ACO1: variants seen among roughly 807,000 people sequenced by gnomAD.
The protein encoded by ACO1 is cytoplasmic aconitate hydratase.
In ACO1, 78 loss-of-function variants were observed where a neutral mutation model predicts 105.1. The observed-to-expected ratio is 0.74, with a 90% CI of 0.62 to 0.90. The LOEUF is 0.90. ACO1 is among the 40% of genes least tolerant of loss of function. The probability of loss-of-function intolerance (pLI) is 0.00; values close to 1 mark genes in which losing one functional copy is unlikely to be tolerated. For missense variants in ACO1, 965 were observed against 1,111.1 expected, an observed-to-expected ratio of 0.87 and a Z score of 1.87; for synonymous variants, 364 against 397.4, an observed-to-expected ratio of 0.92 and a Z score of 1.00.
In ACO1 at chr9:32,418,469, T is replaced by G; in HGVS notation, c.616T>G (p.Ser206Ala). 1.2e-6 allele frequency: 2 copies of G among 1,614,196 alleles called. No homozygotes were observed. Among genetic ancestry groups the G allele is most frequent in the Non-Finnish European group, 1.7e-6 (2 of 1,180,014 alleles). Residue 206 changes from serine (S) to alanine (A), a missense_variant, in exon 6 of 21, where the codon TCG becomes GCG. Physicochemically the swap from Ser to Ala is moderately conservative, Grantham distance 99. Transcript: ENST00000309951. ...CCCAGACAGCCTCGTGGGCACAGAC[T>G]CGCACACTACCATGATTGATGGCTT... ...YYPDSLVGTD[S>A]HTTMIDGLGI...
chr9:32,408,284 C>T (rs983775475), intron 3 of ACO1, among the ~76,000 whole-genome samples: 13 of 152,102 alleles, frequency 8.5e-5, no homozygotes, highest in Admixed American at 6.6e-4. Flanking sequence ...AAATTTAATA[C>T]GGTGATAACA....
intron 19 of ACO1, among the ~76,000 whole-genome samples, chr9:32,446,013 G>T (rs559455556): frequency 1.3e-5 from 2 of 152,170 alleles, no homozygotes; most frequent in Non-Finnish European, 2.9e-5. Context: ...GTATGCTGAG[G>T]AGTGTTTTAC....
chr9:32,436,305 A>G lies in ACO1; in HGVS notation c.2155A>G (p.Met719Val), dbSNP rs202244128. 56 of 1,614,188 alleles carry G rather than the reference A, an allele frequency of 3.5e-5. No individual in the cohort carries two copies. Among genetic ancestry groups the G allele is most frequent in the Admixed American group, 2.0e-4 (12 of 60,026 alleles). ...CTCCCGCCGAGGTAATGACGCCGTC[A>G]TGGCACGGGGAACATTTGCCAACAT... is the stretch of plus-strand genomic sequence containing the variant. Reference protein sequence around the residue: ...YGSRRGNDAVMARGTFANIRL... With the variant: ...YGSRRGNDAVVARGTFANIRL... The change falls in exon 18 of 21, where the codon ATG becomes GTG. Residue 719 changes from methionine (M) to valine (V), a missense_variant. By Grantham distance (21) the Met-to-Val change is conservative. Coordinates refer to ENST00000309951, the MANE Select transcript of ACO1 (RefSeq NM_002197.3).
chr9:32,448,809 GC>G, intron 19 of ACO1, 86 bp from the exon 20 acceptor site: 1 of 1,445,672 alleles, frequency 6.9e-7, no homozygotes, highest in Non-Finnish European at 9.7e-7. Flanking sequence ...CGGCCATCAT[GC>G]CAGCTCTCTC....
intron 2 of ACO1, among the ~76,000 whole-genome samples, chr9:32,406,631 A>G (rs1463675498): frequency 6.6e-6 from 1 of 152,250 alleles, no homozygotes; most frequent in Non-Finnish European, 1.5e-5. Context: ...TCGAAAACAA[A>G]CAAAACACAT....
At chr9:32,435,967 A>G in intron 17 of ACO1, 1 of 570,548 alleles carries the variant, frequency 1.8e-6, no homozygotes, top group South Asian at 1.5e-5. Context: ...CAAATAAAAC[A>G]TTCTTTTTTA....
rs1173567648 is a variant in ACO1 at position 32,430,581 on chromosome 9, T to C, written c.1726+7T>C. On this transcript the variant is annotated splice_region_variant and intron_variant, in intron 14 of 20. Transcript: ENST00000309951. ...TTTGAGAAAGAGCCATTGGGTAAGA[T>C]TTTGTTTGTGCAGCCATAATTTTTT... 6.3e-7 allele frequency: 1 copy of C among 1,594,626 alleles called. No homozygotes were observed.
chr9:32,395,824 C>T (rs1563928191), intron 1 of ACO1, among the ~76,000 whole-genome samples: 1 of 152,234 alleles, frequency 6.6e-6, no homozygotes, highest in Non-Finnish European at 1.5e-5. Flanking sequence ...CCCACAGTGA[C>T]ACTAAAAAGT....
rs563793774 is a variant in ACO1, at chr9:32,449,224, G to A, written c.2556+143G>A. ...TGCATTAGACTTAGGAGGCCTACTA[G>A]CATCTTTTCTACCTGCCTTCATAGC... On this transcript the variant is annotated intron_variant, in intron 20 of 20. Coordinates refer to ENST00000309951, the MANE Select transcript of ACO1 (RefSeq NM_002197.3). 3.3e-3 allele frequency: 2,393 copies of A among 716,904 alleles called. 6 individuals carry two copies. The highest frequency in any genetic ancestry group is 4.5e-3 in the Non-Finnish European group (2,025 of 446,254). The allele number at this position is 716,904 out of a possible 1,614,324, so 44.4% of individuals were successfully genotyped here. A position where few individuals can be genotyped will look rare whatever the true frequency, so the allele number is the denominator to read the frequency against.
At chr9:32,421,130 G>A (rs1484961917) in intron 8 of ACO1, 103 bp downstream of exon 8, 1 of 1,242,576 alleles carries the variant, frequency 8.0e-7, no homozygotes, top group East Asian at 2.4e-5. Context: ...AAGGCACTGG[G>A]TTACAGTTAC....
Position 32,424,700 on chromosome 9 carries a change from A to G in ACO1, c.1188+35A>G, listed in dbSNP as rs77785385. The G allele has an allele frequency of 6.5e-3, 9,078 of 1,402,870 alleles. 456 individuals carry two copies. In the African/African-American group the frequency reaches 0.11, roughly 18 times the overall value. 86.9% of individuals were successfully genotyped at this position (1,402,870 alleles called of 1,614,324 possible). The stretch of plus-strand genomic sequence containing the variant: ...TGCGGGAAGAGGTTGAATCCTCTCA[A>G]CTCTACCTCTTGCCTGGTTACTCAG... On this transcript the variant is annotated intron_variant, in intron 10 of 20. Transcript: ENST00000309951.
rs771652686 is a variant in ACO1, at chr9:32,427,379, G to T, written c.1427G>T (p.Gly476Val). The change falls in exon 12 of 21, where the codon GGC becomes GTC. Residue 476 changes from glycine to valine, a missense_variant. By Grantham distance (109) the Gly-to-Val change is moderately radical. Coordinates refer to ENST00000309951, the MANE Select transcript of ACO1 (RefSeq NM_002197.3). ...YIKTSLSPGSGVVTYYLQESG... is the reference protein window; with the variant it reads ...YIKTSLSPGSVVVTYYLQESG... ...AAAACTAGCCTGTCTCCTGGGAGTGGCGTGGTCACCTACTACCTACAAGAA... is the reference window on the plus strand; with the variant it reads ...AAAACTAGCCTGTCTCCTGGGAGTGTCGTGGTCACCTACTACCTACAAGAA... 4.3e-6 allele frequency: 7 copies of T among 1,614,064 alleles called. No homozygotes were observed. In the South Asian group the frequency reaches 7.7e-5, roughly 18 times the overall value.
chr9:32,447,703 T>A (rs184844875), intron 19 of ACO1, among the ~76,000 whole-genome samples: 110 of 152,328 alleles, frequency 7.2e-4, no homozygotes, highest in African/African-American at 2.2e-3. Context: ...TCTTTGTGGA[T>A]TTATTTACCT....
intron 8 of ACO1, among the ~76,000 whole-genome samples, chr9:32,422,655 A>G (rs1399922006): frequency 2.0e-5 from 3 of 152,178 alleles, no homozygotes; most frequent in Admixed American, 6.5e-5. Flanking sequence ...GTGATGCAGC[A>G]TCGTGAGTTA....
chr9:32,418,181 G>A lies in ACO1; in HGVS notation c.458G>A (p.Arg153Gln), dbSNP rs199823143. ...CTGGAATTTGAAAGAAATAGAGAGC[G>A]ATTTGAATTTTTAAAGGTATGGGCA... Reference protein sequence around the residue: ...QDLEFERNRERFEFLKWGSQA... With the variant: ...QDLEFERNREQFEFLKWGSQA... Residue 153 changes from arginine to glutamine, a missense_variant, in exon 5 of 21, where the codon CGA becomes CAA. By Grantham distance (43) the Arg-to-Gln change is conservative. Transcript: ENST00000309951. 3.1e-6 allele frequency: 5 copies of A among 1,614,158 alleles called. No individual in the cohort carries two copies. Among genetic ancestry groups the A allele is most frequent in the Admixed American group, 3.3e-5 (2 of 60,018 alleles).
chr9:32,436,300 C>T lies in ACO1; in HGVS notation c.2150C>T (p.Ala717Val). Residue 717 changes from alanine to valine, a missense_variant, in exon 18 of 21, where the codon GCC (alanine) becomes GTC (valine). Ala to Val is a moderately conservative substitution (Grantham distance 64). Coordinates refer to ENST00000309951, the MANE Select transcript of ACO1 (RefSeq NM_002197.3). Reference sequence around the variant, plus strand: ...TATGGCTCCCGCCGAGGTAATGACGCCGTCATGGCACGGGGAACATTTGCC... The same window carrying T: ...TATGGCTCCCGCCGAGGTAATGACGTCGTCATGGCACGGGGAACATTTGCC... The part of the protein sequence containing the change: ...NSYGSRRGND[A>V]VMARGTFANI... 1.2e-6 allele frequency: 2 copies of T among 1,614,172 alleles called. No homozygotes were observed. Among genetic ancestry groups the T allele is most frequent in the Non-Finnish European group, 1.7e-6 (2 of 1,180,002 alleles).
chr9:32,436,802 G>A, intron 18 of ACO1, among the ~76,000 whole-genome samples: 1 of 152,170 alleles, frequency 6.6e-6, no homozygotes, highest in East Asian at 1.9e-4. Context: ...GGCATGTTTT[G>A]GTTCTAATGG....
chr9:32,432,138 G>A (rs1383503731), intron 15 of ACO1, among the ~76,000 whole-genome samples: 1 of 151,994 alleles, frequency 6.6e-6, no homozygotes, highest in African/African-American at 2.4e-5. Flanking sequence ...GACACCCAGG[G>A]GTGTGTGTCA....
chr9:32,451,143 G>A lies in ACO1; in HGVS notation c.*1032G>A, dbSNP rs900990665. 3.9e-5 allele frequency: 6 copies of A among 152,136 alleles called. No homozygotes were observed. Among genetic ancestry groups the A allele is most frequent in the African/African-American group, 1.4e-4 (6 of 41,420 alleles). The allele number at this position is 152,136 out of a possible 1,614,324, so 9.4% of individuals were successfully genotyped here. A position where few individuals can be genotyped will look rare whatever the true frequency, so the allele number is the denominator to read the frequency against. On this transcript the variant is annotated 3_prime_UTR_variant, in exon 21 of 21. Coordinates refer to ENST00000309951, the MANE Select transcript of ACO1 (RefSeq NM_002197.3). ...TTATCTGCTCATTTTTACCCCTGTA[G>A]TCATTTCTGGGCATGCCTTAGTTTG...
Sources: gnomAD v4.1 joint callset for allele counts (sites outside exome capture counted in the v4.1 genomes callset) on GRCh38, gnomAD v4.1.1 for gene constraint, MANE v1.5 for transcripts, NCBI Gene and HGNC (gene_info 2026-07-23, HGNC 2026-07-21) for gene names.